PGBD5: variants seen among roughly 807,000 people sequenced by gnomAD.
PGBD5 encodes piggyBac transposable element-derived protein 5.
PGBD5 carries 14 observed loss-of-function variants against 47.9 expected under a neutral mutation model. The ratio of observed to expected loss-of-function variants is 0.29; its 90% CI spans 0.19 to 0.46. The LOEUF is 0.46. Ranked by LOEUF, PGBD5 falls within the 20% of genes least tolerant of loss-of-function variation. The pLI is 1.00. For synonymous variants in PGBD5, 316 were observed against 306.3 expected (o/e 1.03, Z -0.33); for missense variants, 635 against 716.0 (o/e 0.89, Z 1.29).
intron 1 of PGBD5, among the ~76,000 whole-genome samples, chr1:230,408,069 T>A (rs1657334912): frequency 6.6e-6 from 1 of 152,164 alleles, no homozygotes; most frequent in Non-Finnish European, 1.5e-5. Context: ...TAGCCCAAAT[T>A]GCCTTGCCCA....
chr1:230,388,609 G>T (rs1361619266), intron 1 of PGBD5, among the ~76,000 whole-genome samples: 1 of 152,096 alleles, frequency 6.6e-6, no homozygotes, highest in Non-Finnish European at 1.5e-5. Flanking sequence ...TGGAGACAGG[G>T]TTTCACCATG....
chr1:230,423,004 CAG>C lies in PGBD5; in HGVS notation c.331+2592_331+2593del, dbSNP rs372214935. On this transcript the variant is annotated intron_variant, in intron 1 of 6. Transcript: ENST00000391860. ...GACTCTGCAAAGGTTTCTAGGTCAT[CAG>C]AGTTATCTTTCTGATTAAAAAAAAA... is the stretch of plus-strand genomic sequence containing the variant. Among the ~76,000 whole-genome samples, 1,221 of 150,524 alleles carry C rather than the reference CAG, an allele frequency of 8.1e-3. 17 individuals are homozygous for C. Among genetic ancestry groups the C allele is most frequent in the African/African-American group, 0.029 (1,177 of 40,932 alleles).
chr1:230,384,934 T>A (rs1047942705), intron 1 of PGBD5, among the ~76,000 whole-genome samples: 6 of 152,262 alleles, frequency 3.9e-5, no homozygotes, highest in African/African-American at 1.4e-4. Flanking sequence ...TTCCTGGAGC[T>A]GTAGCAAGGC....
At chr1:230,410,020 A>T (rs950319062) in intron 1 of PGBD5, among the ~76,000 whole-genome samples, 1 of 152,188 alleles carries the variant, frequency 6.6e-6, no homozygotes. Context: ...ATATATATAA[A>T]TTTATGCTGT....
chr1:230,392,423 G>A (rs1656807813), intron 1 of PGBD5, among the ~76,000 whole-genome samples: 1 of 152,226 alleles, frequency 6.6e-6, no homozygotes, highest in South Asian at 2.1e-4. Context: ...TTGATGACAG[G>A]CCTGCTTGAC....
chr1:230,363,568 C>G (rs969226502), intron 1 of PGBD5, among the ~76,000 whole-genome samples: 1 of 150,470 alleles, frequency 6.6e-6, no homozygotes, highest in Non-Finnish European at 1.5e-5. Context: ...GGTGACAGAG[C>G]GAGACTCCAT....
intron 1 of PGBD5, among the ~76,000 whole-genome samples, chr1:230,402,087 G>A (rs573128910): frequency 1.4e-4 from 21 of 152,292 alleles, no homozygotes; most frequent in African/African-American, 4.8e-4. Flanking sequence ...TCCAGATGAA[G>A]CCTTTCAGGC....
intron 1 of PGBD5, among the ~76,000 whole-genome samples, chr1:230,360,582 TTGTC>T (rs986481844): frequency 5.9e-5 from 9 of 152,178 alleles, no homozygotes; most frequent in African/African-American, 2.2e-4. Flanking sequence ...AGTTTTATAA[TTGTC>T]TGGCATTTCC....
At chr1:230,402,219 C>A (rs183605368) in intron 1 of PGBD5, among the ~76,000 whole-genome samples, 1 of 152,350 alleles carries the variant, frequency 6.6e-6, no homozygotes, top group African/African-American at 2.4e-5. Flanking sequence ...CTAAATGAAA[C>A]TGACATCCGT....
intron 1 of PGBD5, among the ~76,000 whole-genome samples, chr1:230,413,130 T>C (rs1275656538): frequency 6.6e-6 from 1 of 152,024 alleles, no homozygotes. Context: ...AAGAACCTAC[T>C]GATGATGTTA....
chr1:230,360,114 T>C (rs183046897), intron 1 of PGBD5, among the ~76,000 whole-genome samples: 188 of 152,330 alleles, frequency 1.2e-3, no homozygotes, highest in African/African-American at 4.4e-3. Context: ...AATTGCTACA[T>C]CATGCTGACG....
At chr1:230,410,910 T>C (rs1237660436) in intron 1 of PGBD5, among the ~76,000 whole-genome samples, 2 of 151,974 alleles carry the variant, frequency 1.3e-5, no homozygotes, top group Non-Finnish European at 1.5e-5. Context: ...AAATGCCCAA[T>C]TAAGCATAAG....
intron 6 of PGBD5, among the ~76,000 whole-genome samples, 175 bp downstream of exon 6, chr1:230,325,135 C>A (rs998058458): frequency 2.0e-5 from 3 of 152,166 alleles, no homozygotes; most frequent in African/African-American, 7.2e-5. Context: ...CTAGGTAAAG[C>A]CATGTGTGCA....
At chr1:230,342,334 A>G (rs1440044673) in intron 3 of PGBD5, among the ~76,000 whole-genome samples, 2 of 152,142 alleles carry the variant, frequency 1.3e-5, no homozygotes, top group Non-Finnish European at 2.9e-5. Context: ...AAGAGAATCA[A>G]TTTTCTCAGT....
At chr1:230,421,560 A>C (rs943945960) in intron 1 of PGBD5, among the ~76,000 whole-genome samples, 5 of 152,164 alleles carry the variant, frequency 3.3e-5, no homozygotes, top group African/African-American at 1.2e-4. Context: ...GTTTGATAAT[A>C]ATGCATGAAA....
At chr1:230,379,731 G>T (rs1192965132) in intron 1 of PGBD5, among the ~76,000 whole-genome samples, 1 of 152,180 alleles carries the variant, frequency 6.6e-6, no homozygotes, top group Non-Finnish European at 1.5e-5. Flanking sequence ...CGTAGTGATC[G>T]ATCCACCTCT....
chr1:230,371,486 T>G (rs1667928277), intron 1 of PGBD5, among the ~76,000 whole-genome samples: 1 of 152,204 alleles, frequency 6.6e-6, no homozygotes, highest in Non-Finnish European at 1.5e-5. Flanking sequence ...TCACAAAGGT[T>G]ACTGCCACTT....
At chr1:230,386,484 A>T (rs1405801090) in intron 1 of PGBD5, among the ~76,000 whole-genome samples, 2 of 152,072 alleles carry the variant, frequency 1.3e-5, no homozygotes, top group Non-Finnish European at 1.5e-5. Flanking sequence ...TCTTCTTAAG[A>T]GCGTTTGATG....
At chr1:230,410,346 T>C (rs539243087) in intron 1 of PGBD5, among the ~76,000 whole-genome samples, 29 of 152,206 alleles carry the variant, frequency 1.9e-4, no homozygotes, top group African/African-American at 6.7e-4. Flanking sequence ...AGAAGAGAAA[T>C]AGATCAACAG....
Sources: gnomAD v4.1 joint callset for allele counts (sites outside exome capture counted in the v4.1 genomes callset) on GRCh38, gnomAD v4.1.1 for gene constraint, MANE v1.5 for transcripts, NCBI Gene and HGNC (gene_info 2026-07-23, HGNC 2026-07-21) for gene names.